POU6F2: variants seen among roughly 807,000 people sequenced by gnomAD.
POU6F2 encodes the protein POU domain, class 6, transcription factor 2.
In POU6F2, 31 loss-of-function variants were observed where a neutral mutation model predicts 71.3. That is an observed-to-expected ratio of 0.43 (90% CI 0.33 to 0.59). The LOEUF is 0.59. Ranked by LOEUF, POU6F2 falls within the 20% of genes least tolerant of loss-of-function variation. POU6F2 has a pLI of 0.04. For missense variants in POU6F2, 783 were observed against 856.8 expected (o/e 0.91, Z 1.07); for synonymous variants, 347 against 355.7 (o/e 0.98, Z 0.27).
intron 4 of POU6F2, among the ~76,000 whole-genome samples, chr7:39,318,957 A>AACTCC (rs1215063411): frequency 6.6e-6 from 1 of 152,138 alleles, no homozygotes; most frequent in East Asian, 1.9e-4. Context: ...ACCCTGGGCA[A>AACTCC]CATAGTGAGA....
At chr7:39,105,413 T>C (rs1057185887) in intron 2 of POU6F2, among the ~76,000 whole-genome samples, 1 of 149,754 alleles carries the variant, frequency 6.7e-6, no homozygotes, top group East Asian at 2.0e-4. Context: ...TTCTATGTTT[T>C]AGAATTTTTT....
At chr7:39,030,542 A>G (rs1314631399) in intron 1 of POU6F2, among the ~76,000 whole-genome samples, 1 of 133,764 alleles carries the variant, frequency 7.5e-6, no homozygotes, top group African/African-American at 2.7e-5. Flanking sequence ...ATATATATAT[A>G]TACACACACA....
rs531815128 is a variant in POU6F2 at position 39,328,772 on chromosome 7, A to G, written c.599-10870A>G. Among the ~76,000 whole-genome samples, 34 of 152,294 alleles carry G rather than the reference A, an allele frequency of 2.2e-4. No homozygotes were observed. In the South Asian group the frequency reaches 5.8e-3, roughly 26 times the overall value. On this transcript the variant is annotated intron_variant, in intron 4 of 9. Coordinates refer to ENST00000518318, the MANE Select transcript of POU6F2 (RefSeq NM_001370959.1). ...TATAAATACAGGACTTGACATGTCA[A>G]TTTATTCAGAGATATAATGGCCACA...
chr7:39,346,351 T>A (rs576418300), intron 5 of POU6F2, among the ~76,000 whole-genome samples: 8 of 152,344 alleles, frequency 5.3e-5, no homozygotes, highest in African/African-American at 1.9e-4. Context: ...TTCACACCAC[T>A]GGCTATGGAA....
intron 4 of POU6F2, among the ~76,000 whole-genome samples, chr7:39,295,194 C>T (rs1784824077): frequency 6.6e-6 from 1 of 151,128 alleles, no homozygotes; most frequent in African/African-American, 2.4e-5. Context: ...GTCTTTTCCA[C>T]AGTTATCAGA....
intron 4 of POU6F2, among the ~76,000 whole-genome samples, chr7:39,313,320 A>T (rs932604707): frequency 1.3e-5 from 2 of 151,888 alleles, no homozygotes; most frequent in Non-Finnish European, 2.9e-5. Context: ...ATTTAATGAG[A>T]CCTTCCTTGC....
chr7:39,370,500 T>C (rs1786585722), intron 5 of POU6F2, among the ~76,000 whole-genome samples: 1 of 152,114 alleles, frequency 6.6e-6, no homozygotes, highest in Non-Finnish European at 1.5e-5. Flanking sequence ...GAGGAAGACA[T>C]TGGTGCGTGT....
At chr7:39,374,237 G>C (rs542601438) in intron 5 of POU6F2, among the ~76,000 whole-genome samples, 6 of 152,326 alleles carry the variant, frequency 3.9e-5, no homozygotes, top group African/African-American at 1.2e-4. Context: ...GCATGTATAT[G>C]TGTCTGTGTA....
intron 5 of POU6F2, among the ~76,000 whole-genome samples, chr7:39,368,897 G>C (rs558494240): frequency 6.6e-6 from 1 of 152,308 alleles, no homozygotes; most frequent in South Asian, 2.1e-4. Flanking sequence ...CAACCTTCAT[G>C]AATGACTTTG....
In POU6F2 at chr7:39,104,085, C is replaced by T. The variant is rs190623908; in HGVS notation, c.277+18054C>T. ...GATAGGCTCGAAATTCTGGAGCTGCCGCTCATTCCCCCTGCTTAGCCTGAG... is the reference window on the plus strand; with the variant it reads ...GATAGGCTCGAAATTCTGGAGCTGCTGCTCATTCCCCCTGCTTAGCCTGAG... On this transcript the variant is annotated intron_variant, in intron 2 of 9. Coordinates refer to ENST00000518318, the MANE Select transcript of POU6F2 (RefSeq NM_001370959.1). Among the ~76,000 whole-genome samples the T allele has an allele frequency of 2.0e-3, 301 of 152,328 alleles. 1 individual carries two copies. The highest frequency in any genetic ancestry group is 5.8e-3 in the African/African-American group (241 of 41,576).
At chr7:39,331,183 G>A (rs773964306) in intron 4 of POU6F2, among the ~76,000 whole-genome samples, 2 of 152,162 alleles carry the variant, frequency 1.3e-5, no homozygotes, top group Non-Finnish European at 2.9e-5. Flanking sequence ...CACAGTTGCT[G>A]GACACTTAGG....
At position 39,048,220 on chromosome 7, in the gene POU6F2, A is replaced by G. The variant is rs1295834921; in HGVS notation, c.106-37640A>G. Among the ~76,000 whole-genome samples, 5 of 151,728 alleles carry G rather than the reference A, an allele frequency of 3.3e-5. No homozygotes were observed. The East Asian group carries it at 7.8e-4, about 24-fold the overall frequency. On this transcript the variant is annotated intron_variant, in intron 1 of 9. Coordinates refer to ENST00000518318, the MANE Select transcript of POU6F2 (RefSeq NM_001370959.1). ...ATTTTCTCTCTTTTTTTAAGCTTTT[A>G]TCTTAGTTTCAGGGGTATGTGTGCA... is the stretch of plus-strand genomic sequence containing the variant.
chr7:39,292,593 A>G (rs569585508), intron 4 of POU6F2, among the ~76,000 whole-genome samples: 85 of 152,278 alleles, frequency 5.6e-4, no homozygotes, highest in African/African-American at 1.9e-3. Flanking sequence ...GTTTTTATAT[A>G]TAATTTGATG....
intron 6 of POU6F2, among the ~76,000 whole-genome samples, chr7:39,422,452 A>G (rs1221421430): frequency 2.0e-5 from 3 of 152,220 alleles, no homozygotes; most frequent in Non-Finnish European, 4.4e-5. Flanking sequence ...TGTTATAAAT[A>G]ACTGTGGGTG....
intron 2 of POU6F2, among the ~76,000 whole-genome samples, chr7:39,172,105 C>T (rs1314498453): frequency 6.6e-6 from 1 of 152,112 alleles, no homozygotes; most frequent in Non-Finnish European, 1.5e-5. Context: ...CATCTCAAAC[C>T]TCATCTTCCC....
At chr7:39,096,048 A>G (rs775288417) in intron 2 of POU6F2, among the ~76,000 whole-genome samples, 4 of 152,124 alleles carry the variant, frequency 2.6e-5, no homozygotes, top group Admixed American at 1.3e-4. Context: ...TGAATTTTGA[A>G]TCTGGCACCA....
intron 2 of POU6F2, among the ~76,000 whole-genome samples, chr7:39,145,394 G>A (rs1274537290): frequency 6.6e-6 from 1 of 152,200 alleles, no homozygotes; most frequent in African/African-American, 2.4e-5. Flanking sequence ...ACCAGTGTAT[G>A]CCATTTATTA....
intron 6 of POU6F2, among the ~76,000 whole-genome samples, chr7:39,423,426 G>C (rs149428077): frequency 6.6e-6 from 1 of 152,260 alleles, no homozygotes; most frequent in African/African-American, 2.4e-5. Flanking sequence ...AATGTGGTAT[G>C]CCCTGCCCCC....
intron 4 of POU6F2, among the ~76,000 whole-genome samples, chr7:39,324,570 C>T (rs1250982921): frequency 1.3e-5 from 2 of 152,214 alleles, no homozygotes; most frequent in South Asian, 2.1e-4. Flanking sequence ...TGCTTGTTAT[C>T]GCAGCATAAC....
Sources: allele counts gnomAD v4.1 joint callset (sites outside exome capture counted in the v4.1 genomes callset), GRCh38; gene constraint gnomAD v4.1.1; transcripts MANE v1.5; gene names NCBI Gene and HGNC (gene_info 2026-07-23, HGNC 2026-07-21).